The following GATAD2B variants were observed in gnomAD, a reference collection of about 807,000 sequenced individuals.
GATAD2B encodes GATA zinc finger domain containing 2B, also known as transcriptional repressor p66-beta.
Under a neutral mutation model 64.3 loss-of-function variants are expected in GATAD2B, and 8 were observed. The observed-to-expected ratio is 0.12, with a 90% confidence interval of 0.07 to 0.22. The LOEUF (loss-of-function observed/expected upper bound fraction) is 0.22, where lower values mean the gene tolerates loss of function less well. Ranked by LOEUF, GATAD2B falls within the 10% of genes least tolerant of loss-of-function variation. The pLI, the probability that GATAD2B is intolerant of heterozygous loss-of-function variation, is 1.00. For missense variants in GATAD2B, 453 were observed against 752.0 expected, an observed-to-expected ratio of 0.60 and a Z score of 4.65; for synonymous variants, 281 against 271.3, an observed-to-expected ratio of 1.04 and a Z score of -0.35.
In GATAD2B at chr1:153,921,577, ATCTC is replaced by A. The variant is rs547914968; in HGVS notation, c.-2+1152_-2+1155del. ...GCTGAAATGTATTAAGTATCCCCCC[ATCTC>A]TCTCTCTCTCTTACACACACACACA... On this transcript the variant is annotated intron_variant, in intron 1 of 10. Transcript: ENST00000368655. 7.9e-3 allele frequency among the ~76,000 whole-genome samples: 1,189 copies of A among 149,736 alleles called. 5 individuals carry two copies. The highest frequency in any genetic ancestry group is 0.011 in the Non-Finnish European group (773 of 67,218).
At chr1:153,815,773 C>T (rs1474933639) in intron 7 of GATAD2B, among the ~76,000 whole-genome samples, 1 of 152,174 alleles carries the variant, frequency 6.6e-6, no homozygotes, top group East Asian at 1.9e-4. Flanking sequence ...GGCCGGCTGA[C>T]GGGGTACAGT....
intron 1 of GATAD2B, among the ~76,000 whole-genome samples, chr1:153,857,989 G>C (rs1381245647): frequency 6.6e-6 from 1 of 152,142 alleles, no homozygotes; most frequent in Non-Finnish European, 1.5e-5. Context: ...GTGAATTCAA[G>C]GATAATATAG....
At chr1:153,889,638 A>C in intron 1 of GATAD2B, 2 of 671,860 alleles carry the variant, frequency 3.0e-6, no homozygotes, top group Non-Finnish European at 3.7e-6. Context: ...GCAAGAGGAA[A>C]GTTGTAGATG....
intron 2 of GATAD2B, among the ~76,000 whole-genome samples, chr1:153,824,380 G>A (rs576995880): frequency 6.1e-4 from 92 of 152,006 alleles, no homozygotes; most frequent in Non-Finnish European, 1.1e-3. Flanking sequence ...CCATAATCCC[G>A]GCACTTTGGG....
intron 1 of GATAD2B, among the ~76,000 whole-genome samples, chr1:153,831,808 G>A (rs1557791417): frequency 6.6e-6 from 1 of 152,166 alleles, no homozygotes; most frequent in Non-Finnish European, 1.5e-5. Context: ...ATGGTAAGTT[G>A]GGCAGAGTAG....
intron 1 of GATAD2B, among the ~76,000 whole-genome samples, chr1:153,842,598 T>A (rs1675535815): frequency 6.6e-6 from 1 of 152,128 alleles, no homozygotes; most frequent in South Asian, 2.1e-4. Flanking sequence ...TGTACTGTTC[T>A]TCATTTTTCT....
chr1:153,854,327 C>T (rs1676008878), intron 1 of GATAD2B, among the ~76,000 whole-genome samples: 2 of 152,084 alleles, frequency 1.3e-5, no homozygotes, highest in Admixed American at 6.6e-5. Context: ...GGTGTGAACC[C>T]GGGAGGTGGA....
chr1:153,817,777 A>G (rs1259552543), intron 5 of GATAD2B, among the ~76,000 whole-genome samples: 1 of 152,144 alleles, frequency 6.6e-6, no homozygotes, highest in African/African-American at 2.4e-5. Flanking sequence ...ATCTAATCCT[A>G]TAGGGTTAGA....
intron 1 of GATAD2B, among the ~76,000 whole-genome samples, chr1:153,850,325 A>C (rs1251943072): frequency 6.6e-6 from 1 of 152,032 alleles, no homozygotes; most frequent in Non-Finnish European, 1.5e-5. Context: ...TTTAGGACAG[A>C]GTCTCACTCT....
At chr1:153,853,421 C>G (rs1054657517) in intron 1 of GATAD2B, 1 of 640,300 alleles carries the variant, frequency 1.6e-6, no homozygotes, top group Non-Finnish European at 2.8e-6. Flanking sequence ...ATTTTTCTTC[C>G]TGGAGAAATA....
intron 1 of GATAD2B, among the ~76,000 whole-genome samples, chr1:153,868,429 C>G (rs1676549516): frequency 7.1e-6 from 1 of 140,550 alleles, no homozygotes. Context: ...ATTCAATGTG[C>G]AGTGATGTTG....
At chr1:153,813,127 G>T in intron 8 of GATAD2B, 123 bp downstream of exon 8, 4 of 713,574 alleles carry the variant, frequency 5.6e-6, no homozygotes, top group Non-Finnish European at 1.0e-5. Flanking sequence ...CAATGATAAG[G>T]AGACAAAAAG....
chr1:153,898,024 C>A lies in GATAD2B; in HGVS notation c.-2+24709G>T, dbSNP rs1021719022. 2.7e-5 allele frequency among the ~76,000 whole-genome samples: 4 copies of A among 149,736 alleles called. No homozygotes were observed. The East Asian group carries it at 5.8e-4, about 22-fold the overall frequency. The stretch of plus-strand genomic sequence containing the variant: ...AAAAACAAAAAAAAAAAAACCCAGG[C>A]CAGGCACGGTGGCTAAAGCCTATAA... On this transcript the variant is annotated intron_variant, in intron 1 of 10. Coordinates refer to ENST00000368655, the MANE Select transcript of GATAD2B (RefSeq NM_020699.4).
chr1:153,841,390 A>G (rs1468524765), intron 1 of GATAD2B, among the ~76,000 whole-genome samples: 4 of 152,288 alleles, frequency 2.6e-5, no homozygotes, highest in East Asian at 1.9e-4. Context: ...GCACCGTTCC[A>G]TCACCTCAAG....
intron 1 of GATAD2B, among the ~76,000 whole-genome samples, chr1:153,915,178 G>A (rs1465953197): frequency 6.6e-6 from 1 of 152,156 alleles, no homozygotes; most frequent in Non-Finnish European, 1.5e-5. Context: ...TGTAATCCTA[G>A]GACTTTGGGA....
rs1334760630 is a variant in GATAD2B at position 153,867,677 on chromosome 1, T to C, written c.-1-39329A>G. On this transcript the variant is annotated intron_variant, in intron 1 of 10. Coordinates refer to ENST00000368655, the MANE Select transcript of GATAD2B (RefSeq NM_020699.4). ...GAGTTCAAGACCACCATGGCCAACATGGTGAAACCCTGTTTCTACTAAAAA... is the reference window on the plus strand; with the variant it reads ...GAGTTCAAGACCACCATGGCCAACACGGTGAAACCCTGTTTCTACTAAAAA... 4.0e-5 allele frequency among the ~76,000 whole-genome samples: 6 copies of C among 151,326 alleles called. No homozygotes were observed. The East Asian group carries it at 9.8e-4, about 25-fold the overall frequency.
chr1:153,914,854 G>C (rs1678215569), intron 1 of GATAD2B: 1 of 152,072 alleles, frequency 6.6e-6, no homozygotes, highest in East Asian at 1.9e-4. Flanking sequence ...TTGAGCTCAG[G>C]AGTTCAAGGT....
At chr1:153,892,180 A>AG (rs2101950771) in intron 1 of GATAD2B, among the ~76,000 whole-genome samples, 1 of 151,344 alleles carries the variant, frequency 6.6e-6, no homozygotes, top group Admixed American at 6.6e-5. Context: ...AAAAAAAAAA[A>AG]AAAAAGAAAA....
intron 1 of GATAD2B, among the ~76,000 whole-genome samples, chr1:153,861,946 C>T (rs1676309372): frequency 6.7e-6 from 1 of 149,486 alleles, no homozygotes; most frequent in Non-Finnish European, 1.5e-5. Context: ...TTTTAGGATA[C>T]AGAAACAATT....
Sources: gnomAD v4.1 joint callset for allele counts (sites outside exome capture counted in the v4.1 genomes callset) on GRCh38, gnomAD v4.1.1 for gene constraint, MANE v1.5 for transcripts, NCBI Gene and HGNC (gene_info 2026-07-23, HGNC 2026-07-21) for gene names.